The following WNT4 variants were observed in gnomAD, a reference collection of about 807,000 sequenced individuals.
The protein encoded by WNT4 is protein Wnt-4.
In WNT4, 16 loss-of-function variants were observed where a neutral mutation model predicts 34.5. The observed-to-expected ratio is 0.46, with a 90% CI of 0.31 to 0.70. The LOEUF (loss-of-function observed/expected upper bound fraction) is 0.70, where lower values mean the gene tolerates loss of function less well. Among genes scored for constraint, WNT4 ranks in the 30% least tolerant of loss-of-function variants. The probability of loss-of-function intolerance (pLI) is 0.04; values close to 1 mark genes in which losing one functional copy is unlikely to be tolerated. For synonymous variants in WNT4, 200 were observed against 211.9 expected (o/e 0.94, Z 0.49); for missense variants, 379 against 495.9 (o/e 0.76, Z 2.24).
At chr1:22,133,382 C>T (rs969724859) in intron 1 of WNT4, among the ~76,000 whole-genome samples, 1 of 152,122 alleles carries the variant, frequency 6.6e-6, no homozygotes, top group Admixed American at 6.5e-5. Flanking sequence ...CCCATCAGGG[C>T]GAGGCCTGAT....
At position 22,139,026 on chromosome 1, in the gene WNT4, C is replaced by G. The variant is rs1392485837; in HGVS notation, c.77+3820G>C. On this transcript the variant is annotated intron_variant, in intron 1 of 4. Transcript: ENST00000290167. The surrounding 1 kb of genome is among the most constrained non-coding windows in gnomAD (Gnocchi z 4.6). ...CAACTCCTCTGCCTGGCAAGATTGG[C>G]TTGTGAGCCAGGCTAGGTCTTCCTG... Among the ~76,000 whole-genome samples the G allele has an allele frequency of 6.6e-6, 1 of 152,196 alleles. No homozygotes were observed. Among genetic ancestry groups the G allele is most frequent in the Admixed American group, 6.5e-5 (1 of 15,290 alleles).
intron 4 of WNT4, among the ~76,000 whole-genome samples, 159 bp from the exon 5 acceptor site, chr1:22,120,676 G>T (rs1346839257): frequency 1.3e-5 from 2 of 152,236 alleles, no homozygotes; most frequent in Non-Finnish European, 2.9e-5. Context: ...GTACTGGGCT[G>T]CTAAGCAGTG....
chr1:22,132,197 G>A (rs1257517972), intron 1 of WNT4, among the ~76,000 whole-genome samples: 2 of 152,224 alleles, frequency 1.3e-5, no homozygotes, highest in African/African-American at 4.8e-5. Context: ...TCAGACCGAG[G>A]CTTGGCCTCT....
intron 1 of WNT4, among the ~76,000 whole-genome samples, chr1:22,132,137 C>T (rs1431735510): frequency 1.3e-5 from 2 of 150,402 alleles, no homozygotes; most frequent in African/African-American, 4.9e-5. Flanking sequence ...CCACAGGTGT[C>T]CCTCGGTGGG....
intron 2 of WNT4, among the ~76,000 whole-genome samples, chr1:22,124,043 C>T (rs920350806): frequency 1.3e-5 from 2 of 152,208 alleles, no homozygotes; most frequent in African/African-American, 4.8e-5. Flanking sequence ...GGGTGGTGGC[C>T]CTTCCCAGCT....
In WNT4 at chr1:22,117,699, T is replaced by G. The variant is rs1645860336; in HGVS notation, c.*2351A>C. 1 of 152,330 alleles carries G rather than the reference T, an allele frequency of 6.6e-6. No individual in the cohort carries two copies. The highest frequency in any genetic ancestry group is 2.4e-5 in the African/African-American group (1 of 41,452). The allele number at this position is 152,330 out of a possible 1,614,324, so 9.4% of individuals were successfully genotyped here. ...TGGCCTGGGCAGTGGTTCCTAGAAT[T>G]TGGTCTCATTAACCTAGGTCGCAAC... On this transcript the variant is annotated 3_prime_UTR_variant, in exon 5 of 5. Transcript: ENST00000290167.
At position 22,142,487 on chromosome 1, in the gene WNT4, A is replaced by G. The variant is rs913767004; in HGVS notation, c.77+359T>C. Among the ~76,000 whole-genome samples, 6 of 152,232 alleles carry G rather than the reference A, an allele frequency of 3.9e-5. No homozygotes were observed. The East Asian group carries it at 1.2e-3, about 30-fold the overall frequency. On this transcript the variant is annotated intron_variant, in intron 1 of 4. Transcript: ENST00000290167. This position sits in a 1 kb window ranked among gnomAD's most constrained non-coding sequence, Gnocchi z 6.0. ...GCCCTTCCCTGCAATGGGCTTCCTC[A>G]GCGACCTGTCAGCCCGGCTGGACTG...
chr1:22,126,989 T>G (rs1458988463), intron 2 of WNT4: 1 of 331,406 alleles, frequency 3.0e-6, no homozygotes, highest in East Asian at 8.4e-5. Context: ...CTCTCAGACC[T>G]CAGGAGGGAC....
chr1:22,125,484 C>T (rs1365255477), intron 2 of WNT4, among the ~76,000 whole-genome samples: 1 of 152,164 alleles, frequency 6.6e-6, no homozygotes, highest in Non-Finnish European at 1.5e-5. Flanking sequence ...CCCAAGACCA[C>T]AGAGCATTTG....
In WNT4 at chr1:22,140,645, A is replaced by G. The variant is rs1646059311; in HGVS notation, c.77+2201T>C. On this transcript the variant is annotated intron_variant, in intron 1 of 4. Coordinates refer to ENST00000290167, the MANE Select transcript of WNT4 (RefSeq NM_030761.5). The surrounding 1 kb of genome is among the most constrained non-coding windows in gnomAD (Gnocchi z 5.9). Reference sequence around the variant, plus strand: ...CTGATTGTTCGACAGAGGTTGATAAATATTGGACCAACCTTGGTATGTGCC... The same window carrying G: ...CTGATTGTTCGACAGAGGTTGATAAGTATTGGACCAACCTTGGTATGTGCC... Among the ~76,000 whole-genome samples, 1 of 152,160 alleles carries G rather than the reference A, an allele frequency of 6.6e-6. No homozygotes were observed. The highest frequency in any genetic ancestry group is 2.4e-5 in the African/African-American group (1 of 41,410).
At position 22,140,358 on chromosome 1, in the gene WNT4, C is replaced by T. The variant is rs546636417; in HGVS notation, c.77+2488G>A. The stretch of plus-strand genomic sequence containing the variant: ...CGATCCCCAATCTTCTCATCTGTAA[C>T]GGGATTGAAACGTTGTTGGGATTTA... On this transcript the variant is annotated intron_variant, in intron 1 of 4. Coordinates refer to ENST00000290167, the MANE Select transcript of WNT4 (RefSeq NM_030761.5). This position sits in a 1 kb window ranked among gnomAD's most constrained non-coding sequence, Gnocchi z 5.9. The T allele has an allele frequency of 1.2e-5, 9 of 764,214 alleles. No individual in the cohort carries two copies. The South Asian group carries it at 1.8e-4, about 15-fold the overall frequency. 47.3% of individuals were successfully genotyped at this position (764,214 alleles called of 1,614,324 possible). A position where few individuals can be genotyped will look rare whatever the true frequency, so the allele number is the denominator to read the frequency against.
At position 22,142,689 on chromosome 1, in the gene WNT4, C is replaced by T. The variant is rs1646079981; in HGVS notation, c.77+157G>A. On this transcript the variant is annotated intron_variant, in intron 1 of 4. Transcript: ENST00000290167. The surrounding 1 kb of genome is among the most constrained non-coding windows in gnomAD (Gnocchi z 6.0). ...CGGGTGTGCAGAGGGACGTTCGGGC[C>T]GTGGCGGCGGCAGCGGAGCGAGCGA... Among the ~76,000 whole-genome samples the T allele has an allele frequency of 6.6e-6, 1 of 151,346 alleles. No individual in the cohort carries two copies. Among genetic ancestry groups the T allele is most frequent in the South Asian group, 2.1e-4 (1 of 4,836 alleles).
chr1:22,140,045 G>A lies in WNT4; in HGVS notation c.77+2801C>T, dbSNP rs1367350709. ...ACCTGGCCTCCCCACCAGGCCACCT[G>A]CCCTTCTGAGACAACAGATAGTCCT... On this transcript the variant is annotated intron_variant, in intron 1 of 4. Transcript: ENST00000290167. This position sits in a 1 kb window ranked among gnomAD's most constrained non-coding sequence, Gnocchi z 5.9. The A allele has an allele frequency of 9.7e-6, 4 of 412,516 alleles. No homozygotes were observed. The highest frequency in any genetic ancestry group is 9.8e-6 in the Non-Finnish European group (3 of 306,296). The allele number at this position is 412,516 out of a possible 1,614,324, so 25.6% of individuals were successfully genotyped here. A position where few individuals can be genotyped will look rare whatever the true frequency, so the allele number is the denominator to read the frequency against.
rs1646050249 is a variant in WNT4 at position 22,139,625 on chromosome 1, T to G, written c.77+3221A>C. ...TTTATTCCCTAACCCTCCCCAGCAC[T>G]TCCATTTGGGGTTCAGAACGATCTG... On this transcript the variant is annotated intron_variant, in intron 1 of 4. Transcript: ENST00000290167. The surrounding 1 kb of genome is among the most constrained non-coding windows in gnomAD (Gnocchi z 4.6). 6.6e-6 allele frequency among the ~76,000 whole-genome samples: 1 copy of G among 152,100 alleles called. No individual in the cohort carries two copies. Among genetic ancestry groups the G allele is most frequent in the South Asian group, 2.1e-4 (1 of 4,826 alleles).
chr1:22,129,932 G>T, intron 1 of WNT4, 81 bp from the exon 2 acceptor site: 2 of 1,525,568 alleles, frequency 1.3e-6, no homozygotes, highest in Non-Finnish European at 1.8e-6. Context: ...TCCAGCCCGG[G>T]TCTCTGGGAA....
chr1:22,121,195 G>A lies in WNT4; in HGVS notation c.588+16C>T, dbSNP rs764222684. 2 of 1,613,766 alleles carry A rather than the reference G, an allele frequency of 1.2e-6. No individual in the cohort carries two copies. Among genetic ancestry groups the A allele is most frequent in the Non-Finnish European group, 8.5e-7 (1 of 1,179,996 alleles). On this transcript the variant is annotated intron_variant, in intron 4 of 4. Coordinates refer to ENST00000290167, the MANE Select transcript of WNT4 (RefSeq NM_030761.5). ...TATCCCTACCCCGCTCTTGGTGGGG[G>A]GTAGTGCCACACTACCTTCCTGCCG... is the stretch of plus-strand genomic sequence containing the variant.
chr1:22,119,881 C>G lies in WNT4; in HGVS notation c.*169G>C. On this transcript the variant is annotated 3_prime_UTR_variant, in exon 5 of 5. Transcript: ENST00000290167. The stretch of plus-strand genomic sequence containing the variant: ...GCTTTGGGGAGGCCCTGGTTGGTGC[C>G]CTTGGGGTTGCCTGCCTGGTTTCGG... The G allele has an allele frequency of 1.2e-6, 1 of 831,210 alleles. No homozygotes were observed. The highest frequency in any genetic ancestry group is 1.9e-6 in the Non-Finnish European group (1 of 533,844). The allele number at this position is 831,210 out of a possible 1,614,324, so 51.5% of individuals were successfully genotyped here. A position where few individuals can be genotyped will look rare whatever the true frequency, so the allele number is the denominator to read the frequency against.
chr1:22,140,486 T>G lies in WNT4; in HGVS notation c.77+2360A>C, dbSNP rs146805608. Among the ~76,000 whole-genome samples the G allele has an allele frequency of 6.6e-6, 1 of 152,344 alleles. No individual in the cohort carries two copies. The highest frequency in any genetic ancestry group is 1.5e-5 in the Non-Finnish European group (1 of 68,036). On this transcript the variant is annotated intron_variant, in intron 1 of 4. Transcript: ENST00000290167. The surrounding 1 kb of genome is among the most constrained non-coding windows in gnomAD (Gnocchi z 5.9). ...CTGCTCGGGCTCACACTCAGCTCTTTCCTCTGACAGCCATAGAGCATGTGC... is the reference window on the plus strand; with the variant it reads ...CTGCTCGGGCTCACACTCAGCTCTTGCCTCTGACAGCCATAGAGCATGTGC...
intron 2 of WNT4, among the ~76,000 whole-genome samples, chr1:22,128,989 G>C (rs1201047803): frequency 6.6e-6 from 1 of 152,230 alleles, no homozygotes; most frequent in East Asian, 1.9e-4. Flanking sequence ...GAAAGTGCTG[G>C]GATTACAGGC....
Sources: allele counts gnomAD v4.1 joint callset (sites outside exome capture counted in the v4.1 genomes callset), GRCh38; gene constraint gnomAD v4.1.1; non-coding constraint Gnocchi (gnomAD v3.1); transcripts MANE v1.5; gene names NCBI Gene and HGNC (gene_info 2026-07-23, HGNC 2026-07-21).